TASP1: variants seen among roughly 807,000 people sequenced by gnomAD.
The protein encoded by TASP1 is threonine aspartase 1.
Under a neutral mutation model 56.6 loss-of-function variants are expected in TASP1, and 16 were observed. That is an observed-to-expected ratio of 0.28 (90% CI 0.19 to 0.43). The LOEUF is 0.43. Among genes scored for constraint, TASP1 ranks in the 20% least tolerant of loss-of-function variants. The pLI is 1.00. For synonymous variants in TASP1, 179 were observed against 184.2 expected (o/e 0.97, Z 0.23); for missense variants, 393 against 511.6 (o/e 0.77, Z 2.24).
rs1420090035 is a variant in TASP1 at position 13,629,822 on chromosome 20, T to C, written c.145+112A>G. The C allele has an allele frequency of 3.3e-6, 5 of 1,502,966 alleles. No homozygotes were observed. In the South Asian group the frequency reaches 4.7e-5, roughly 14 times the overall value. 93.1% of individuals were successfully genotyped at this position (1,502,966 alleles called of 1,614,324 possible). On this transcript the variant is annotated intron_variant, in intron 2 of 13. Transcript: ENST00000337743. ...AAACAATCGCTTTGCTTCCAATTCCTCTCTGGCAGTTTTGCCTCCTCCAAG... is the reference window on the plus strand; with the variant it reads ...AAACAATCGCTTTGCTTCCAATTCCCCTCTGGCAGTTTTGCCTCCTCCAAG...
chr20:13,257,927 A>G, the TASP1 span, among the ~76,000 whole-genome samples: 1 of 152,060 alleles, frequency 6.6e-6, no homozygotes, highest in African/African-American at 2.4e-5. Context: ...AAATTAGGAC[A>G]GCACCGTACA....
chr20:13,238,596 C>A, the TASP1 span, among the ~76,000 whole-genome samples: 1 of 152,118 alleles, frequency 6.6e-6, no homozygotes, highest in Non-Finnish European at 1.5e-5. Flanking sequence ...TAGAAAACAA[C>A]AAAGTTGTTT....
At chr20:13,232,725 A>T in the TASP1 span, among the ~76,000 whole-genome samples, 1 of 152,238 alleles carries the variant, frequency 6.6e-6, no homozygotes, top group African/African-American at 2.4e-5. Flanking sequence ...GTGCACTCAC[A>T]TAAAGTGTTT....
intron 4 of TASP1, among the ~76,000 whole-genome samples, chr20:13,594,947 A>C (rs938942483): frequency 6.6e-6 from 1 of 152,188 alleles, no homozygotes; most frequent in Non-Finnish European, 1.5e-5. Context: ...GGTTGAAATG[A>C]AGGAAAAAAT....
intron 4 of TASP1, among the ~76,000 whole-genome samples, chr20:13,589,059 T>TG (rs2047426023): frequency 6.9e-6 from 1 of 145,684 alleles, no homozygotes; most frequent in Non-Finnish European, 1.5e-5. Context: ...TTTCGTGGGT[T>TG]TTTTTTTTTT....
At chr20:13,559,587 A>G (rs973878622) in intron 7 of TASP1, among the ~76,000 whole-genome samples, 2 of 152,220 alleles carry the variant, frequency 1.3e-5, no homozygotes, top group Admixed American at 1.3e-4. Flanking sequence ...CATTTTTTAA[A>G]CCAGAAAACT....
At chr20:13,366,339 C>T in the TASP1 span, among the ~76,000 whole-genome samples, 1 of 152,112 alleles carries the variant, frequency 6.6e-6, no homozygotes, top group Non-Finnish European at 1.5e-5. Context: ...GAACAGAAAC[C>T]ATCAAAGGAT....
At chr20:13,176,691 A>G in the TASP1 span, among the ~76,000 whole-genome samples, 3,894 of 152,112 alleles carry the variant, frequency 0.026, 69 homozygotes, top group South Asian at 0.034. Flanking sequence ...TCTGATTTTG[A>G]TATCAGGGTT....
the TASP1 span, among the ~76,000 whole-genome samples, chr20:13,233,595 CAAAA>C: frequency 3.1e-5 from 2 of 63,716 alleles, no homozygotes; most frequent in Admixed American, 1.8e-4. Flanking sequence ...AACTCCATCT[CAAAA>C]AAAAAAAAAA....
intron 11 of TASP1, among the ~76,000 whole-genome samples, chr20:13,474,275 C>T (rs886892348): frequency 6.6e-6 from 1 of 152,056 alleles, no homozygotes; most frequent in Non-Finnish European, 1.5e-5. Context: ...GTCTTTTATC[C>T]CTCACTCCCC....
the TASP1 span, among the ~76,000 whole-genome samples, chr20:13,214,337 G>T: frequency 6.6e-6 from 1 of 152,058 alleles, no homozygotes; most frequent in Non-Finnish European, 1.5e-5. Context: ...TGCTTTCTCT[G>T]GTTTCAGCTG....
intron 8 of TASP1, among the ~76,000 whole-genome samples, chr20:13,541,468 A>C (rs1344056881): frequency 6.6e-6 from 1 of 152,132 alleles, no homozygotes; most frequent in Admixed American, 6.6e-5. Flanking sequence ...TTAACACTAC[A>C]ACCTGTCCTC....
the TASP1 span, among the ~76,000 whole-genome samples, chr20:13,263,024 T>G: frequency 1.3e-5 from 2 of 152,188 alleles, no homozygotes; most frequent in Non-Finnish European, 2.9e-5. Flanking sequence ...GAGCCCATGA[T>G]GTACCTGTGT....
chr20:13,370,468 T>C, the TASP1 span, among the ~76,000 whole-genome samples: 3 of 152,170 alleles, frequency 2.0e-5, no homozygotes, highest in Non-Finnish European at 4.4e-5. Context: ...TCTATGTTTG[T>C]ACATTTTGAA....
intron 11 of TASP1, among the ~76,000 whole-genome samples, chr20:13,481,358 T>C (rs754719260): frequency 2.6e-5 from 4 of 152,198 alleles, no homozygotes; most frequent in Non-Finnish European, 5.9e-5. Flanking sequence ...ATCTTGGCTA[T>C]TGTGAACGCT....
At chr20:13,626,832 G>T (rs1254888506) in intron 2 of TASP1, among the ~76,000 whole-genome samples, 1 of 152,092 alleles carries the variant, frequency 6.6e-6, no homozygotes, top group East Asian at 1.9e-4. Context: ...TGACTTCAGT[G>T]TAAGGGACAA....
At chr20:13,225,047 G>GT in the TASP1 span, among the ~76,000 whole-genome samples, 18 of 150,954 alleles carry the variant, frequency 1.2e-4, no homozygotes, top group Non-Finnish European at 1.5e-5. Context: ...TAGAGACGGG[G>GT]TTTCACCGTG....
intron 10 of TASP1, among the ~76,000 whole-genome samples, chr20:13,521,893 G>C (rs1356203731): frequency 6.6e-6 from 1 of 152,094 alleles, no homozygotes; most frequent in Non-Finnish European, 1.5e-5. Context: ...ACATGAAAGG[G>C]AGACAGGAAA....
At chr20:13,600,873 C>T (rs1439264555) in intron 4 of TASP1, among the ~76,000 whole-genome samples, 1 of 152,098 alleles carries the variant, frequency 6.6e-6, no homozygotes, top group Non-Finnish European at 1.5e-5. Context: ...AATGATACTC[C>T]AACGAGCACA....
Sources: gnomAD v4.1 joint callset for allele counts (sites outside exome capture counted in the v4.1 genomes callset) on GRCh38, gnomAD v4.1.1 for gene constraint, MANE v1.5 for transcripts, NCBI Gene and HGNC (gene_info 2026-07-23, HGNC 2026-07-21) for gene names.